ZFHX4: variants seen among roughly 807,000 people sequenced by gnomAD.
ZFHX4 encodes zinc finger homeobox 4.
A neutral mutation model predicts 267.6 loss-of-function variants in ZFHX4; 56 were observed. The observed-to-expected ratio is 0.21, with a 90% CI of 0.17 to 0.26. ZFHX4 has a LOEUF of 0.26. Among genes scored for constraint, ZFHX4 ranks in the 10% least tolerant of loss-of-function variants. The pLI is 1.00. For missense variants in ZFHX4, 4,332 were observed against 4,420.0 expected, an observed-to-expected ratio of 0.98 and a Z score of 0.56; for synonymous variants, 1,778 against 1,665.6, an observed-to-expected ratio of 1.07 and a Z score of -1.64.
At chr8:76,822,566 A>G (rs1436672250) in intron 4 of ZFHX4, among the ~76,000 whole-genome samples, 1 of 148,206 alleles carries the variant, frequency 6.7e-6, no homozygotes, top group Admixed American at 6.9e-5. Context: ...CAGTATCCTG[A>G]GTAACTCGGA....
In ZFHX4 at chr8:76,852,451, G is replaced by A; in HGVS notation, c.5530G>A (p.Ala1844Thr). Residue 1844 changes from alanine (A) to threonine (T), a missense_variant, in exon 10 of 11, where the codon GCA (alanine) becomes ACA (threonine). Transcript: ENST00000651372. ...ACAAGAGCAAAGTAACATAGTGAGT[G>A]CAGACTGCCAAATCATGAAGGATGT... ...LKQEQSNIVSADCQIMKDVPS... is the reference protein window; with the variant it reads ...LKQEQSNIVSTDCQIMKDVPS... 1.3e-6 allele frequency: 2 copies of A among 1,566,916 alleles called. No individual in the cohort carries two copies. The highest frequency in any genetic ancestry group is 8.7e-7 in the Non-Finnish European group (1 of 1,155,440).
At chr8:76,767,448 T>A (rs1810081031) in intron 3 of ZFHX4, among the ~76,000 whole-genome samples, 1 of 152,264 alleles carries the variant, frequency 6.6e-6, no homozygotes, top group African/African-American at 2.4e-5. Context: ...TTCTCCCACC[T>A]CTTCTGTGTT....
At chr8:76,807,265 G>T (rs1305687470) in intron 4 of ZFHX4, among the ~76,000 whole-genome samples, 2 of 151,874 alleles carry the variant, frequency 1.3e-5, no homozygotes, top group East Asian at 3.9e-4. Flanking sequence ...TGGTATAGTG[G>T]TATAGCAGAA....
intron 4 of ZFHX4, among the ~76,000 whole-genome samples, chr8:76,781,768 G>A (rs1810553847): frequency 6.6e-6 from 1 of 152,030 alleles, no homozygotes. Context: ...CCAAACATCT[G>A]TTAAGTAAAG....
rs749363037 is a variant in ZFHX4, at chr8:76,704,167, C to T, written c.79C>T (p.Leu27Phe). Reference sequence around the variant, plus strand: ...ATCAAAGCTATGTGGAACGACACAACTTGATAATGAGGTGCCAGAGAAAGT... The same window carrying T: ...ATCAAAGCTATGTGGAACGACACAATTTGATAATGAGGTGCCAGAGAAAGT... Reference protein sequence around the residue: ...STSKLCGTTQLDNEVPEKVAG... With the variant: ...STSKLCGTTQFDNEVPEKVAG... The change falls in exon 2 of 11, where the codon CTT becomes TTT. Residue 27 changes from leucine (L) to phenylalanine (F), a missense_variant. By Grantham distance (22) the Leu-to-Phe change is conservative. This residue lies in a region of ZFHX4 where 1,195 missense variants were observed against 1,173.6 expected (regional missense o/e 1.02). Transcript: ENST00000651372. 1.9e-6 allele frequency: 3 copies of T among 1,613,978 alleles called. No homozygotes were observed. Among genetic ancestry groups the T allele is most frequent in the Non-Finnish European group, 2.5e-6 (3 of 1,179,892 alleles).
intron 4 of ZFHX4, among the ~76,000 whole-genome samples, chr8:76,788,759 A>C (rs1391199645): frequency 6.6e-6 from 1 of 152,184 alleles, no homozygotes; most frequent in Non-Finnish European, 1.5e-5. Context: ...TGTTATAAAG[A>C]GCCAGGTTTT....
chr8:76,732,170 A>G (rs77747098), intron 3 of ZFHX4, among the ~76,000 whole-genome samples: 4,987 of 152,132 alleles, frequency 0.033, 112 homozygotes, highest in Non-Finnish European at 0.046. Flanking sequence ...GGAGTAAAAT[A>G]TATGGTAATT....
chr8:76,809,857 T>C (rs1219887250), intron 4 of ZFHX4, among the ~76,000 whole-genome samples: 3 of 152,168 alleles, frequency 2.0e-5, no homozygotes, highest in Admixed American at 2.0e-4. Context: ...AACCCAGAGT[T>C]AACTTACGGT....
chr8:76,700,396 G>T (rs1016876011), intron 1 of ZFHX4, among the ~76,000 whole-genome samples: 1 of 152,046 alleles, frequency 6.6e-6, no homozygotes, highest in African/African-American at 2.4e-5. Context: ...TCACTGGACC[G>T]TAGAAGAGGG....
At chr8:76,701,064 T>C (rs1201313331) in intron 1 of ZFHX4, among the ~76,000 whole-genome samples, 2 of 152,158 alleles carry the variant, frequency 1.3e-5, no homozygotes, top group Non-Finnish European at 2.9e-5. Context: ...TCGTCTGACA[T>C]TGACGACAGT....
At chr8:76,779,087 C>T (rs781761809) in intron 4 of ZFHX4, among the ~76,000 whole-genome samples, 3 of 152,050 alleles carry the variant, frequency 2.0e-5, no homozygotes, top group Non-Finnish European at 2.9e-5. Context: ...AACAGATGGT[C>T]GTGAGCTAAA....
chr8:76,696,024 G>A (rs938752575), intron 1 of ZFHX4, among the ~76,000 whole-genome samples: 5 of 152,082 alleles, frequency 3.3e-5, no homozygotes, highest in Non-Finnish European at 7.4e-5. Context: ...CCTTCATTAT[G>A]TCCTGACAGC....
chr8:76,832,524 T>C (rs1260332959), intron 4 of ZFHX4, among the ~76,000 whole-genome samples: 1 of 152,080 alleles, frequency 6.6e-6, no homozygotes, highest in Non-Finnish European at 1.5e-5. Context: ...TTGAGGCATA[T>C]AGACTATTAC....
intron 4 of ZFHX4, among the ~76,000 whole-genome samples, chr8:76,782,790 C>T (rs16939359): frequency 0.28 from 42,950 of 151,768 alleles, 8,355 homozygotes; most frequent in African/African-American, 0.54. Flanking sequence ...AAACAACCCC[C>T]GGCGAAGGAC....
chr8:76,711,756 A>T (rs998209101), intron 3 of ZFHX4, among the ~76,000 whole-genome samples: 3 of 152,058 alleles, frequency 2.0e-5, no homozygotes, highest in African/African-American at 7.2e-5. Context: ...AGAGTCTAGT[A>T]AAAAGATATA....
intron 5 of ZFHX4, among the ~76,000 whole-genome samples, chr8:76,834,971 T>C (rs936486368): frequency 2.6e-5 from 4 of 151,324 alleles, no homozygotes; most frequent in African/African-American, 9.7e-5. Flanking sequence ...TTTTTGTGGA[T>C]GTTTGTAGCT....
In ZFHX4 at chr8:76,865,294, C is replaced by A. The variant is rs1812998481; in HGVS notation, c.*729C>A. 6.6e-6 allele frequency: 1 copy of A among 152,618 alleles called. No individual in the cohort carries two copies. Among genetic ancestry groups the A allele is most frequent in the South Asian group, 2.1e-4 (1 of 4,824 alleles). 9.5% of individuals were successfully genotyped at this position (152,618 alleles called of 1,614,324 possible). A position where few individuals can be genotyped will look rare whatever the true frequency, so the allele number is the denominator to read the frequency against. ...TTGTAGAATATACTAATAATCTGTG[C>A]CAACTCTACCTTCTCACTTTTACCT... On this transcript the variant is annotated 3_prime_UTR_variant, in exon 11 of 11. Coordinates refer to ENST00000651372, the MANE Select transcript of ZFHX4 (RefSeq NM_024721.5).
At chr8:76,756,050 C>A (rs1038678567) in intron 3 of ZFHX4, among the ~76,000 whole-genome samples, 1 of 152,148 alleles carries the variant, frequency 6.6e-6, no homozygotes, top group African/African-American at 2.4e-5. Flanking sequence ...AAGTCAAGTC[C>A]TTTTGAAGAA....
rs1051969299 is a variant in ZFHX4 at position 76,681,416 on chromosome 8, C to T, written c.-251C>T. On this transcript the variant is annotated 5_prime_UTR_variant, in exon 1 of 11. Coordinates refer to ENST00000651372, the MANE Select transcript of ZFHX4 (RefSeq NM_024721.5). The stretch of plus-strand genomic sequence containing the variant: ...GGTCGGCACATGCTTTAACTCCTCC[C>T]GGACCCCCGAGGACCGCTCCATGCC... 4 of 398,724 alleles carry T rather than the reference C, an allele frequency of 1.0e-5. No individual in the cohort carries two copies. The highest frequency in any genetic ancestry group is 2.1e-5 in the African/African-American group (1 of 48,538). 24.7% of individuals were successfully genotyped at this position (398,724 alleles called of 1,614,324 possible). A position where few individuals can be genotyped will look rare whatever the true frequency, so the allele number is the denominator to read the frequency against.
Sources: allele counts gnomAD v4.1 joint callset (sites outside exome capture counted in the v4.1 genomes callset), GRCh38; gene constraint gnomAD v4.1.1; regional missense constraint gnomAD v4.1.1; transcripts MANE v1.5; gene names NCBI Gene and HGNC (gene_info 2026-07-23, HGNC 2026-07-21).